The following ABCC12 variants were observed in gnomAD, a reference collection of about 807,000 sequenced individuals.
ABCC12 encodes ATP binding cassette subfamily C member 12.
ABCC12 carries 142 observed loss-of-function variants against 151.1 expected under a neutral mutation model. The ratio of observed to expected loss-of-function variants is 0.94; its 90% CI spans 0.82 to 1.08. The LOEUF is 1.08. Ranked by LOEUF, ABCC12 falls within the 50% of genes least tolerant of loss-of-function variation. The pLI is 0.00. For synonymous variants in ABCC12, 645 were observed against 646.4 expected (o/e 1.00, Z 0.03); for missense variants, 1,638 against 1,691.1 (o/e 0.97, Z 0.55).
At chr16:48,144,534 A>G (rs1474633346) in intron 3 of ABCC12, among the ~76,000 whole-genome samples, 1 of 151,828 alleles carries the variant, frequency 6.6e-6, no homozygotes, top group Non-Finnish European at 1.5e-5. Flanking sequence ...AACTTCACTA[A>G]GGTAGTATAG....
intron 13 of ABCC12, among the ~76,000 whole-genome samples, chr16:48,117,590 G>A (rs1162491121): frequency 6.6e-6 from 1 of 152,216 alleles, no homozygotes; most frequent in Admixed American, 6.5e-5. Flanking sequence ...CGCCAAGCAG[G>A]GAAGAAGACA....
intron 8 of ABCC12, among the ~76,000 whole-genome samples, chr16:48,137,533 A>G (rs1964651319): frequency 6.6e-6 from 1 of 152,148 alleles, no homozygotes; most frequent in Non-Finnish European, 1.5e-5. Flanking sequence ...CCAGCTCAGA[A>G]GCAGGTTCTC....
At chr16:48,091,037 T>C in intron 25 of ABCC12, 83 bp downstream of exon 25, 1 of 1,365,916 alleles carries the variant, frequency 7.3e-7, no homozygotes, top group East Asian at 2.3e-5. Flanking sequence ...AAAAGACCCC[T>C]TTCGCATCTA....
chr16:48,111,621 G>A lies in ABCC12; in HGVS notation c.2166C>T (p.Phe722=). The A allele has an allele frequency of 6.2e-7, 1 of 1,614,150 alleles. No homozygotes were observed. The highest frequency in any genetic ancestry group is 1.1e-5 in the South Asian group (1 of 91,086). ...HLYNAAMVEA[F]KESPAEREED... is the part of the protein sequence containing the mutation. ...CCTCTCTCTCAGCAGGGCTCTCCTTGAAGGCTTCCACCATTGCTGCATTGT... is the reference window on the plus strand; with the variant it reads ...CCTCTCTCTCAGCAGGGCTCTCCTTAAAGGCTTCCACCATTGCTGCATTGT... The change falls in exon 17 of 31, where the codon TTC becomes TTT. Residue 722 remains phenylalanine, a synonymous_variant. Transcript: ENST00000311303.
intron 2 of ABCC12, among the ~76,000 whole-genome samples, chr16:48,152,469 G>A (rs536593160): frequency 7.2e-5 from 11 of 152,270 alleles, no homozygotes; most frequent in East Asian, 1.9e-4. Context: ...AACAACCTAC[G>A]ACCTCCCAGT....
At chr16:48,121,637 C>G in intron 13 of ABCC12, 79 bp downstream of exon 13, 8 of 1,558,040 alleles carry the variant, frequency 5.1e-6, no homozygotes, top group Non-Finnish European at 6.1e-6. Flanking sequence ...ACTTAGCAGT[C>G]ATTACCAACA....
intron 16 of ABCC12, 47 bp from the exon 17 acceptor site, chr16:48,111,709 C>T (rs777727254): frequency 1.2e-6 from 2 of 1,614,078 alleles, no homozygotes; most frequent in Non-Finnish European, 1.7e-6. Flanking sequence ...GACAGGACCT[C>T]TCCCAGGCAC....
At chr16:48,110,409 G>C (rs528922776) in intron 18 of ABCC12, among the ~76,000 whole-genome samples, 1 of 150,274 alleles carries the variant, frequency 6.7e-6, no homozygotes, top group African/African-American at 2.4e-5. Flanking sequence ...TTTTTTTTTT[G>C]GCTATGCATT....
At chr16:48,104,389 TCAAA>T (rs1440879254) in intron 21 of ABCC12, 21 bp from the exon 22 acceptor site, 2 of 1,607,504 alleles carry the variant, frequency 1.2e-6, no homozygotes. Flanking sequence ...TGGTAGAGAG[TCAAA>T]CAGAGTCGAG....
chr16:48,121,706 T>G lies in ABCC12; in HGVS notation c.1712+10A>C, dbSNP rs1964074693. ...ACAAATGTGCCTCCTGCTTTAAAAG[T>G]TAATATTACCTTTGGTGATCATACT... On this transcript the variant is annotated intron_variant, in intron 13 of 30. Transcript: ENST00000311303. 1 of 1,614,026 alleles carries G rather than the reference T, an allele frequency of 6.2e-7. No individual in the cohort carries two copies. Among genetic ancestry groups the G allele is most frequent in the Middle Eastern group, 1.7e-4 (1 of 6,060 alleles).
chr16:48,124,809 T>C (rs1282577344), intron 11 of ABCC12, among the ~76,000 whole-genome samples: 1 of 152,250 alleles, frequency 6.6e-6, no homozygotes, highest in Non-Finnish European at 1.5e-5. Flanking sequence ...GAGCCTGCTA[T>C]GTGCCAAGCA....
At chr16:48,122,372 A>G (rs911224887) in intron 12 of ABCC12, among the ~76,000 whole-genome samples, 1 of 152,236 alleles carries the variant, frequency 6.6e-6, no homozygotes, top group African/African-American at 2.4e-5. Flanking sequence ...TAATTTGTCC[A>G]GAGGAGTCAA....
At chr16:48,149,669 G>C (rs1383646197) in intron 2 of ABCC12, among the ~76,000 whole-genome samples, 1 of 144,228 alleles carries the variant, frequency 6.9e-6, no homozygotes, top group African/African-American at 2.7e-5. Context: ...TAATTTGTAA[G>C]AGAAGCAACA....
At chr16:48,146,946 T>C (rs1305268012) in intron 2 of ABCC12, among the ~76,000 whole-genome samples, 2 of 151,278 alleles carry the variant, frequency 1.3e-5, no homozygotes, top group Non-Finnish European at 3.0e-5. Context: ...CACACCGCCA[T>C]GCGCATACAC....
intron 4 of ABCC12, among the ~76,000 whole-genome samples, chr16:48,143,176 C>G (rs1567458227): frequency 6.6e-6 from 1 of 152,150 alleles, no homozygotes; most frequent in Admixed American, 6.5e-5. Context: ...AAACCTGATG[C>G]TGCATGCTGG....
In ABCC12 at chr16:48,141,265, G is replaced by T; in HGVS notation, c.364C>A (p.Arg122Ser). 6.2e-7 allele frequency: 1 copy of T among 1,614,176 alleles called. No homozygotes were observed. The highest frequency in any genetic ancestry group is 8.5e-7 in the Non-Finnish European group (1 of 1,180,030). Reference protein sequence around the residue: ...SHVVWKFQRTRVLMDIVANIL... With the variant: ...SHVVWKFQRTSVLMDIVANIL... ...TTGGCCACGATGTCCATCAACACGC[G>T]TGTCCTCTGGAATTTCCACACCACG... The change falls in exon 5 of 31, where the codon CGC becomes AGC. Residue 122 changes from arginine to serine, a missense_variant. By Grantham distance (110) the Arg-to-Ser change is moderately radical (BLOSUM62 -1). Transcript: ENST00000311303.
rs1003209298 is a variant in ABCC12 at position 48,107,131 on chromosome 16, T to A, written c.2475+191A>T. The stretch of plus-strand genomic sequence containing the variant: ...GAAAGTGGTGTCTATACCCTGCTTG[T>A]CTTGAAAAATCAAAGGGGATTCCAG... On this transcript the variant is annotated intron_variant, in intron 20 of 30. Transcript: ENST00000311303. 7.9e-5 allele frequency among the ~76,000 whole-genome samples: 12 copies of A among 152,138 alleles called. 1 individual carries two copies. Among genetic ancestry groups the A allele is most frequent in the Admixed American group, 5.9e-4 (9 of 15,272 alleles).
At chr16:48,133,912 C>G in intron 8 of ABCC12, 77 bp from the exon 9 acceptor site, 1 of 1,547,642 alleles carries the variant, frequency 6.5e-7, no homozygotes, top group Non-Finnish European at 8.8e-7. Flanking sequence ...ATTAGCCCTA[C>G]TTGGTCCTCT....
rs986556883 is a variant in ABCC12 at position 48,124,577 on chromosome 16, T to C, written c.1516-293A>G. ...CTGGTGTGAAACAGCCTTGTGCTGG[T>C]CTGGGAGACACAGGCCTTGAACAGG... On this transcript the variant is annotated intron_variant, in intron 11 of 30. Transcript: ENST00000311303. 4.6e-5 allele frequency among the ~76,000 whole-genome samples: 7 copies of C among 152,306 alleles called. 1 individual carries two copies. Among genetic ancestry groups the C allele is most frequent in the Admixed American group, 4.6e-4 (7 of 15,300 alleles).
Sources: allele counts gnomAD v4.1 joint callset (sites outside exome capture counted in the v4.1 genomes callset), GRCh38; gene constraint gnomAD v4.1.1; transcripts MANE v1.5; gene names NCBI Gene and HGNC (gene_info 2026-07-23, HGNC 2026-07-21).